The following DPP6 variants were observed in gnomAD, a reference collection of about 807,000 sequenced individuals.
DPP6 encodes A-type potassium channel modulatory protein DPP6.
A neutral mutation model predicts 122.6 loss-of-function variants in DPP6; 69 were observed. That is an observed-to-expected ratio of 0.56 (90% CI 0.46 to 0.69). DPP6 has a LOEUF of 0.69. DPP6 is among the 30% of genes least tolerant of loss of function. The pLI is 0.00. For missense variants in DPP6, 928 were observed against 1,116.9 expected (o/e 0.83, Z 2.41); for synonymous variants, 418 against 433.1 (o/e 0.97, Z 0.43).
At chr7:154,444,186 G>T (rs1395318432) in intron 1 of DPP6, among the ~76,000 whole-genome samples, 1 of 152,130 alleles carries the variant, frequency 6.6e-6, no homozygotes, top group Non-Finnish European at 1.5e-5. Flanking sequence ...GGCCAGGCGC[G>T]GTGGCTCACG....
chr7:154,073,850 G>C (rs1344967407), intron 1 of DPP6, among the ~76,000 whole-genome samples: 1 of 152,184 alleles, frequency 6.6e-6, no homozygotes, highest in Non-Finnish European at 1.5e-5. Flanking sequence ...GCTGGGTCTA[G>C]TGATGGGTGC....
intron 1 of DPP6, among the ~76,000 whole-genome samples, chr7:153,994,025 A>G (rs1016787394): frequency 6.6e-6 from 1 of 152,218 alleles, no homozygotes; most frequent in Non-Finnish European, 1.5e-5. Context: ...TTATAGAATT[A>G]CACTATCCAG....
At chr7:153,962,765 A>C (rs1795419590) in intron 1 of DPP6, among the ~76,000 whole-genome samples, 1 of 152,232 alleles carries the variant, frequency 6.6e-6, no homozygotes, top group African/African-American at 2.4e-5. Flanking sequence ...TAGAAGCCTA[A>C]GAATCACCTT....
chr7:154,446,151 A>C, intron 1 of DPP6, 63 bp from the exon 2 acceptor site: 1 of 1,029,004 alleles, frequency 9.7e-7, no homozygotes, highest in East Asian at 2.5e-5. Flanking sequence ...AAATATGTCT[A>C]TTTGGCTTAT....
chr7:154,313,751 A>ACACACACACACACC (rs147976247), intron 1 of DPP6, among the ~76,000 whole-genome samples: 15 of 45,256 alleles, frequency 3.3e-4, no homozygotes, highest in Non-Finnish European at 6.4e-4. Flanking sequence ...ACACACACAC[A>ACACACACACACACC]CCCTTACATA....
chr7:154,540,543 A>G lies in DPP6; in HGVS notation c.469A>G (p.Ile157Val), dbSNP rs1274399352. The change falls in exon 4 of 26, where the codon ATC becomes GTC. Residue 157 changes from isoleucine to valine, a missense_variant. By Grantham distance (29) the Ile-to-Val change is conservative. Transcript: ENST00000377770. ...EAKWISDTEF[I>V]YREQKGTVRL... ...TTCCTCTCTTACAGATACAGAATTCATCTACAGAGAACAGAAAGGAACAGT... is the reference window on the plus strand; with the variant it reads ...TTCCTCTCTTACAGATACAGAATTCGTCTACAGAGAACAGAAAGGAACAGT... 1.9e-6 allele frequency: 3 copies of G among 1,606,240 alleles called. No homozygotes were observed. Among genetic ancestry groups the G allele is most frequent in the Non-Finnish European group, 2.6e-6 (3 of 1,174,784 alleles).
At position 153,926,928 on chromosome 7, in the gene DPP6, C is replaced by T. The variant is rs188564541; in HGVS notation, c.51+39194C>T. ...TGTGGAAAATGTATACACACACCTA[C>T]ACATTCATTGTAAGAAATTCCAAAG... On this transcript the variant is annotated intron_variant, in intron 1 of 25. Transcript: ENST00000404039. 1.6e-3 allele frequency among the ~76,000 whole-genome samples: 246 copies of T among 152,172 alleles called. 3 individuals carry two copies. Among genetic ancestry groups the T allele is most frequent in the South Asian group, 0.013 (63 of 4,824 alleles).
chr7:154,693,959 T>C (rs961388942), intron 7 of DPP6, among the ~76,000 whole-genome samples: 1 of 152,324 alleles, frequency 6.6e-6, no homozygotes, highest in African/African-American at 2.4e-5. Flanking sequence ...CTGTTATGTC[T>C]GAGCCCATTC....
intron 7 of DPP6, among the ~76,000 whole-genome samples, chr7:154,722,364 T>A (rs1459461775): frequency 2.6e-5 from 4 of 152,170 alleles, no homozygotes; most frequent in Non-Finnish European, 5.9e-5. Flanking sequence ...ACTGAGCTGG[T>A]TAGATCCAGA....
At chr7:154,608,343 T>A (rs1346300033) in intron 5 of DPP6, among the ~76,000 whole-genome samples, 114 of 78,268 alleles carry the variant, frequency 1.5e-3, no homozygotes, top group East Asian at 9.4e-3. Context: ...ATATATATAT[T>A]TTGAGATGGA....
At chr7:154,856,420 G>A (rs1248743055) in intron 17 of DPP6, among the ~76,000 whole-genome samples, 1 of 152,136 alleles carries the variant, frequency 6.6e-6, no homozygotes, top group Non-Finnish European at 1.5e-5. Flanking sequence ...AAATGAAGCC[G>A]GCCTGTATCT....
At chr7:154,772,184 T>G (rs1050983944) in intron 9 of DPP6, among the ~76,000 whole-genome samples, 5 of 152,206 alleles carry the variant, frequency 3.3e-5, no homozygotes, top group African/African-American at 1.2e-4. Flanking sequence ...ATTCAGATGC[T>G]CCTTGCCCCA....
At chr7:154,372,182 G>A (rs1037331183) in intron 1 of DPP6, among the ~76,000 whole-genome samples, 9 of 152,170 alleles carry the variant, frequency 5.9e-5, no homozygotes, top group Admixed American at 5.9e-4. Flanking sequence ...ACATTCTCCA[G>A]GCAGAAATGG....
At chr7:154,058,782 C>A (rs1175293115) in intron 1 of DPP6, 1 of 150,086 alleles carries the variant, frequency 6.7e-6, no homozygotes, top group East Asian at 2.0e-4. Context: ...AACCCCATCA[C>A]AGGAGGGGGA....
chr7:153,987,306 T>G (rs558827683), intron 1 of DPP6, among the ~76,000 whole-genome samples: 1 of 152,230 alleles, frequency 6.6e-6, no homozygotes, highest in Non-Finnish European at 1.5e-5. Flanking sequence ...GTACCATGCC[T>G]GGGGCTTCAA....
chr7:153,935,983 T>C (rs1224712421), intron 1 of DPP6, among the ~76,000 whole-genome samples: 1 of 152,262 alleles, frequency 6.6e-6, no homozygotes, highest in Non-Finnish European at 1.5e-5. Flanking sequence ...ATCAGCAGTC[T>C]GAAATGTTAT....
chr7:154,534,317 T>C (rs550190990), intron 3 of DPP6, among the ~76,000 whole-genome samples: 1 of 152,274 alleles, frequency 6.6e-6, no homozygotes, highest in South Asian at 2.1e-4. Context: ...CTGCCTAACA[T>C]TGGGAACAAT....
chr7:154,258,635 A>G (rs911319575), intron 1 of DPP6, among the ~76,000 whole-genome samples: 3 of 152,254 alleles, frequency 2.0e-5, no homozygotes, highest in African/African-American at 7.2e-5. Flanking sequence ...CAAAATAAGT[A>G]AACAATCAGT....
chr7:153,831,671 G>A, the DPP6 span, among the ~76,000 whole-genome samples: 30 of 152,258 alleles, frequency 2.0e-4, no homozygotes, highest in African/African-American at 6.7e-4. Flanking sequence ...ATAATTTTTT[G>A]TGTCACAAAA....
Sources: gnomAD v4.1 joint callset for allele counts (sites outside exome capture counted in the v4.1 genomes callset) on GRCh38, gnomAD v4.1.1 for gene constraint, MANE v1.5 for transcripts, NCBI Gene and HGNC (gene_info 2026-07-23, HGNC 2026-07-21) for gene names.